Variants in CTBP2 observed in about 807,000 individuals in gnomAD.
CTBP2 encodes C-terminal-binding protein 2.
Under a neutral mutation model 80.3 loss-of-function variants are expected in CTBP2, and 30 were observed. The ratio of observed to expected loss-of-function variants is 0.37; its 90% CI spans 0.28 to 0.51. The LOEUF is 0.51. CTBP2 is among the 20% of genes least tolerant of loss of function. The probability of loss-of-function intolerance (pLI) is 0.93; values close to 1 mark genes in which losing one functional copy is unlikely to be tolerated. For missense variants in CTBP2, 1,212 were observed against 1,375.3 expected, an observed-to-expected ratio of 0.88 and a Z score of 1.88; for synonymous variants, 594 against 587.4, an observed-to-expected ratio of 1.01 and a Z score of -0.16.
intron 1 of CTBP2, among the ~76,000 whole-genome samples, chr10:125,019,456 T>A (rs1008900436): frequency 2.0e-5 from 3 of 151,474 alleles, no homozygotes; most frequent in African/African-American, 7.3e-5. Flanking sequence ...CCTGTTAATA[T>A]ATGTTGGCTT....
In CTBP2 at chr10:125,057,304, T is replaced by C. The variant is rs531575545; in HGVS notation, c.-101-18149A>G. Among the ~76,000 whole-genome samples, 16 of 152,298 alleles carry C rather than the reference T, an allele frequency of 1.1e-4. No individual in the cohort carries two copies. In the East Asian group the frequency reaches 2.9e-3, roughly 28 times the overall value. On this transcript the variant is annotated intron_variant, in intron 2 of 10. Transcript: ENST00000337195. ...GTGAGTGGGATTTACGTGGCTGGGA[T>C]TGGCCAGACCAGCACTCCTCGAAAG...
At chr10:125,070,387 G>A (rs1208913679) in intron 2 of CTBP2, among the ~76,000 whole-genome samples, 1 of 151,576 alleles carries the variant, frequency 6.6e-6, no homozygotes, top group East Asian at 2.0e-4. Flanking sequence ...TCGTACTAAT[G>A]TAAGATGTTA....
At chr10:125,142,135 G>A (rs191497883) in intron 1 of CTBP2, among the ~76,000 whole-genome samples, 26 of 152,292 alleles carry the variant, frequency 1.7e-4, no homozygotes, top group African/African-American at 6.3e-4. Flanking sequence ...GGACGGGGGC[G>A]GTTTGCCTAC....
At chr10:125,097,233 G>T (rs1205192510) in intron 2 of CTBP2, among the ~76,000 whole-genome samples, 4 of 152,196 alleles carry the variant, frequency 2.6e-5, no homozygotes, top group African/African-American at 9.7e-5. Context: ...CCTGACTCAA[G>T]CATTTCCCCT....
intron 2 of CTBP2, among the ~76,000 whole-genome samples, chr10:125,040,454 TAAAA>T (rs747855375): frequency 0.012 from 1,288 of 104,410 alleles, 23 homozygotes; most frequent in African/African-American, 0.043. Flanking sequence ...ACTCTGTCTT[TAAAA>T]AAAAAAAAAA....
At position 125,038,524 on chromosome 10, in the gene CTBP2, C is replaced by A. The variant is rs1441681538; in HGVS notation, c.58+473G>T. Among the ~76,000 whole-genome samples, 3 of 152,162 alleles carry A rather than the reference C, an allele frequency of 2.0e-5. No individual in the cohort carries two copies. The East Asian group carries it at 5.8e-4, about 29-fold the overall frequency. On this transcript the variant is annotated intron_variant, in intron 3 of 10. Transcript: ENST00000337195. The stretch of plus-strand genomic sequence containing the variant: ...TTATGTTTATTTTTCCTTTCATGAA[C>A]AGAACACTTCCAGACATTTCCAAAG...
chr10:125,129,226 G>A (rs1307262654), intron 1 of CTBP2, among the ~76,000 whole-genome samples: 1 of 152,144 alleles, frequency 6.6e-6, no homozygotes, highest in Non-Finnish European at 1.5e-5. Context: ...AGATGATCAG[G>A]GAGGTGAGGG....
chr10:125,105,074 C>T (rs554399101), intron 2 of CTBP2, among the ~76,000 whole-genome samples: 1 of 152,334 alleles, frequency 6.6e-6, no homozygotes, highest in South Asian at 2.1e-4. Flanking sequence ...GATCACAGTG[C>T]ACTGCAGACG....
chr10:125,036,268 T>C (rs1282678030), intron 3 of CTBP2, among the ~76,000 whole-genome samples: 1 of 152,146 alleles, frequency 6.6e-6, no homozygotes, highest in Non-Finnish European at 1.5e-5. Flanking sequence ...GCAGGGGTGA[T>C]GCTCAGATTC....
intron 2 of CTBP2, among the ~76,000 whole-genome samples, chr10:125,103,286 T>G (rs1387437390): frequency 1.3e-5 from 2 of 152,056 alleles, no homozygotes; most frequent in Non-Finnish European, 2.9e-5. Flanking sequence ...ATTCATTCAT[T>G]CAAAAAATTA....
chr10:125,000,875 T>C (rs1954377884), intron 3 of CTBP2: 1 of 152,278 alleles, frequency 6.6e-6, no homozygotes, highest in Admixed American at 6.5e-5. Flanking sequence ...AAAGGACGTC[T>C]GGACAGAGGC....
chr10:125,145,387 C>T (rs1351362513), intron 1 of CTBP2, among the ~76,000 whole-genome samples: 1 of 152,128 alleles, frequency 6.6e-6, no homozygotes, highest in African/African-American at 2.4e-5. Context: ...TTGAGCACCC[C>T]CAACCCCAGG....
chr10:125,019,271 T>C (rs967183307), intron 1 of CTBP2, among the ~76,000 whole-genome samples: 1 of 152,190 alleles, frequency 6.6e-6, no homozygotes, highest in Non-Finnish European at 1.5e-5. Context: ...CACTCGTTTC[T>C]ACATCGCTAA....
chr10:125,107,393 C>T (rs1851621263), intron 2 of CTBP2, among the ~76,000 whole-genome samples: 2 of 152,198 alleles, frequency 1.3e-5, no homozygotes, highest in South Asian at 4.1e-4. Context: ...GGCCAAGGGC[C>T]CGAAGGACTC....
At chr10:125,111,289 G>C (rs1385404957) in intron 1 of CTBP2, among the ~76,000 whole-genome samples, 196 bp from the exon 2 acceptor site, 1 of 152,172 alleles carries the variant, frequency 6.6e-6, no homozygotes, top group Non-Finnish European at 1.5e-5. Flanking sequence ...TAGAGCACCA[G>C]AACAAATGAA....
At chr10:125,047,949 G>C (rs1046937563) in intron 2 of CTBP2, among the ~76,000 whole-genome samples, 1 of 152,218 alleles carries the variant, frequency 6.6e-6, no homozygotes, top group African/African-American at 2.4e-5. Context: ...CTTCAGGTTA[G>C]ATTTTTAAGA....
intron 2 of CTBP2, among the ~76,000 whole-genome samples, chr10:125,077,814 T>A (rs1038038187): frequency 6.6e-6 from 1 of 152,100 alleles, no homozygotes; most frequent in Non-Finnish European, 1.5e-5. Context: ...CACCTCTCAT[T>A]TAGTCCAAAC....
chr10:124,991,483 G>A (rs1190449105), intron 8 of CTBP2, among the ~76,000 whole-genome samples: 1 of 152,214 alleles, frequency 6.6e-6, no homozygotes. Context: ...CAAAAGGACG[G>A]GGCTGGATGA....
intron 1 of CTBP2, among the ~76,000 whole-genome samples, chr10:125,136,199 G>A (rs1338685264): frequency 3.3e-5 from 5 of 152,180 alleles, no homozygotes; most frequent in Non-Finnish European, 7.4e-5. Context: ...CCCAGGCAGG[G>A]GGCGGCCTCC....
Sources: gnomAD v4.1 joint callset for allele counts (sites outside exome capture counted in the v4.1 genomes callset) on GRCh38, gnomAD v4.1.1 for gene constraint, MANE v1.5 for transcripts, NCBI Gene and HGNC (gene_info 2026-07-23, HGNC 2026-07-21) for gene names.